Variants in CTNND2 observed in about 807,000 individuals in gnomAD.
CTNND2 encodes catenin delta-2.
In CTNND2, 22 loss-of-function variants were observed where a neutral mutation model predicts 144.4. The observed-to-expected ratio is 0.15, with a 90% CI of 0.11 to 0.22. The LOEUF (loss-of-function observed/expected upper bound fraction) is 0.22. Ranked by LOEUF, CTNND2 falls within the 10% of genes least tolerant of loss-of-function variation. The pLI is 1.00. For synonymous variants in CTNND2, 751 were observed against 695.6 expected (o/e 1.08, Z -1.25); for missense variants, 1,353 against 1,618.8 (o/e 0.84, Z 2.82).
At chr5:11,486,185 T>A (rs1768799796) in intron 3 of CTNND2, among the ~76,000 whole-genome samples, 1 of 152,050 alleles carries the variant, frequency 6.6e-6, no homozygotes, top group South Asian at 2.1e-4. Flanking sequence ...TGAGATAATA[T>A]CCAGTAGATC....
In CTNND2 at chr5:11,894,285, A is replaced by G. The variant is rs1737223325; in HGVS notation, c.37+9532T>C. 2.6e-5 allele frequency among the ~76,000 whole-genome samples: 4 copies of G among 152,268 alleles called. No individual in the cohort carries two copies. In the South Asian group the frequency reaches 8.3e-4, roughly 32 times the overall value. ...GGGCTTCATTCCACTCCCATCTTTAAGCAGCAAATATCTGCACCACAAGGA... is the reference window on the plus strand; with the variant it reads ...GGGCTTCATTCCACTCCCATCTTTAGGCAGCAAATATCTGCACCACAAGGA... On this transcript the variant is annotated intron_variant, in intron 1 of 21. Transcript: ENST00000304623.
intron 11 of CTNND2, among the ~76,000 whole-genome samples, chr5:11,176,759 C>T (rs530675420): frequency 6.6e-6 from 1 of 152,182 alleles, no homozygotes; most frequent in African/African-American, 2.4e-5. Flanking sequence ...AGCTAAAAAT[C>T]CAACCATAAC....
At chr5:11,382,145 T>C (rs1581068089) in intron 7 of CTNND2, among the ~76,000 whole-genome samples, 1 of 152,158 alleles carries the variant, frequency 6.6e-6, no homozygotes, top group African/African-American at 2.4e-5. Flanking sequence ...AAATTATATA[T>C]TAAAAAGTCT....
At chr5:11,461,238 G>A (rs1053000786) in intron 3 of CTNND2, among the ~76,000 whole-genome samples, 5 of 151,946 alleles carry the variant, frequency 3.3e-5, no homozygotes, top group African/African-American at 1.2e-4. Flanking sequence ...TGCGCTGAAG[G>A]GACAGAAAAA....
At chr5:11,244,426 AG>A (rs1368704622) in intron 9 of CTNND2, among the ~76,000 whole-genome samples, 1 of 151,826 alleles carries the variant, frequency 6.6e-6, no homozygotes, top group Admixed American at 6.6e-5. Context: ...CTTGGATTAC[AG>A]GCACCCACCA....
At chr5:11,388,327 A>G (rs1365085171) in intron 6 of CTNND2, among the ~76,000 whole-genome samples, 1 of 152,174 alleles carries the variant, frequency 6.6e-6, no homozygotes, top group Admixed American at 6.5e-5. Flanking sequence ...CAACGTAGAG[A>G]ATGTTCTCAA....
At chr5:11,818,836 G>A (rs1793157249) in intron 1 of CTNND2, among the ~76,000 whole-genome samples, 1 of 152,184 alleles carries the variant, frequency 6.6e-6, no homozygotes, top group African/African-American at 2.4e-5. Context: ...CTCACTGTGA[G>A]TAACATGGTC....
intron 11 of CTNND2, among the ~76,000 whole-genome samples, chr5:11,175,125 A>ATT (rs201865021): frequency 6.6e-6 from 1 of 151,030 alleles, no homozygotes; most frequent in African/African-American, 2.4e-5. Flanking sequence ...GATTGCTTCT[A>ATT]TTTTTTTTTA....
intron 3 of CTNND2, among the ~76,000 whole-genome samples, chr5:11,464,047 A>G (rs1766450977): frequency 6.6e-6 from 1 of 152,198 alleles, no homozygotes; most frequent in Non-Finnish European, 1.5e-5. Context: ...TACTTCCAAG[A>G]GTTCATCTAA....
chr5:10,982,836 G>T (rs143323537), intron 20 of CTNND2, among the ~76,000 whole-genome samples: 8 of 152,296 alleles, frequency 5.3e-5, no homozygotes, highest in African/African-American at 1.7e-4. Flanking sequence ...ATGAAATCCT[G>T]TCACTTGCAG....
chr5:10,997,003 C>T (rs372605247), intron 18 of CTNND2, among the ~76,000 whole-genome samples: 11 of 151,872 alleles, frequency 7.2e-5, no homozygotes, highest in African/African-American at 2.2e-4. Context: ...AGCCTTTGAT[C>T]GAGGGGTCCA....
chr5:11,149,141 A>T (rs1757510820), intron 12 of CTNND2, among the ~76,000 whole-genome samples: 1 of 152,194 alleles, frequency 6.6e-6, no homozygotes, highest in Admixed American at 6.5e-5. Flanking sequence ...CAGGCCTCAA[A>T]AGGACACGAT....
intron 9 of CTNND2, among the ~76,000 whole-genome samples, chr5:11,307,591 T>C (rs1276404385): frequency 6.6e-6 from 1 of 152,188 alleles, no homozygotes; most frequent in African/African-American, 2.4e-5. Flanking sequence ...AGGGATCATC[T>C]TATGCTCATT....
chr5:11,497,515 GGGGT>G (rs375581432), intron 3 of CTNND2, among the ~76,000 whole-genome samples: 4,352 of 77,918 alleles, frequency 0.056, 323 homozygotes, highest in Non-Finnish European at 0.074. Context: ...GATGTGCGGG[GGGGT>G]GGGGGGGGGC....
chr5:11,778,139 A>C (rs547890295), intron 1 of CTNND2, among the ~76,000 whole-genome samples: 1 of 152,198 alleles, frequency 6.6e-6, no homozygotes, highest in African/African-American at 2.4e-5. Context: ...AACTAACATC[A>C]AATACTGGCA....
intron 2 of CTNND2, among the ~76,000 whole-genome samples, chr5:11,653,983 A>G (rs1362103288): frequency 6.6e-6 from 1 of 152,042 alleles, no homozygotes; most frequent in Non-Finnish European, 1.5e-5. Flanking sequence ...TCCCAACACC[A>G]TTTATTGATG....
rs70947237 is a variant in CTNND2 at position 10,972,776 on chromosome 5, CTTTTT to C, written c.*672_*676del. On this transcript the variant is annotated 3_prime_UTR_variant, in exon 22 of 22. Coordinates refer to ENST00000304623, the MANE Select transcript of CTNND2 (RefSeq NM_001332.4). ...ACTGCTAAATATTCCTTTTTTCCTGCTTTTTTTTTTTTTTGTTAAAACATACTGGG... is the reference window on the plus strand; with the variant it reads ...ACTGCTAAATATTCCTTTTTTCCTGCTTTTTTTTTGTTAAAACATACTGGG... The C allele has an allele frequency of 7.2e-6, 1 of 138,202 alleles. No individual in the cohort carries two copies. The highest frequency in any genetic ancestry group is 7.3e-5 in the Admixed American group (1 of 13,690). 8.6% of individuals were successfully genotyped at this position (138,202 alleles called of 1,614,324 possible). A position where few individuals can be genotyped will look rare whatever the true frequency, so the allele number is the denominator to read the frequency against.
intron 1 of CTNND2, among the ~76,000 whole-genome samples, chr5:11,733,953 G>C (rs529103656): frequency 1.3e-5 from 2 of 152,216 alleles, no homozygotes; most frequent in East Asian, 3.9e-4. Flanking sequence ...TAGGAGGAGG[G>C]GCCTTTGAGA....
chr5:11,304,269 A>C (rs1166518980), intron 9 of CTNND2, among the ~76,000 whole-genome samples: 1 of 151,864 alleles, frequency 6.6e-6, no homozygotes, highest in African/African-American at 2.4e-5. Flanking sequence ...CCGTTTCATT[A>C]TTTTTTATTT....
Sources: gnomAD v4.1 joint callset for allele counts (sites outside exome capture counted in the v4.1 genomes callset) on GRCh38, gnomAD v4.1.1 for gene constraint, MANE v1.5 for transcripts, NCBI Gene and HGNC (gene_info 2026-07-23, HGNC 2026-07-21) for gene names.